ASTN2: variants seen among roughly 807,000 people sequenced by gnomAD.
The protein encoded by ASTN2 is astrotactin 2.
In ASTN2, 54 loss-of-function variants were observed where a neutral mutation model predicts 139.8. The observed-to-expected ratio is 0.39, with a 90% CI of 0.31 to 0.48. ASTN2 has a LOEUF of 0.48. Among genes scored for constraint, ASTN2 ranks in the 20% least tolerant of loss-of-function variants. The probability of loss-of-function intolerance (pLI) is 0.95; values close to 1 mark genes in which losing one functional copy is unlikely to be tolerated. For synonymous variants in ASTN2, 756 were observed against 719.5 expected, an observed-to-expected ratio of 1.05 and a Z score of -0.81; for missense variants, 1,565 against 1,725.1, an observed-to-expected ratio of 0.91 and a Z score of 1.64.
At chr9:117,138,382 T>A (rs1328408210) in intron 4 of ASTN2, among the ~76,000 whole-genome samples, 1 of 152,056 alleles carries the variant, frequency 6.6e-6, no homozygotes, top group Non-Finnish European at 1.5e-5. Context: ...GAGGAACAAG[T>A]TCTCAGATGC....
chr9:117,346,079 T>C (rs976081918), intron 1 of ASTN2, among the ~76,000 whole-genome samples: 1 of 149,432 alleles, frequency 6.7e-6, no homozygotes, highest in Non-Finnish European at 1.5e-5. Context: ...TGTCTAACCC[T>C]CAGTGGAGGC....
chr9:117,119,879 G>C (rs1456101602), intron 4 of ASTN2, among the ~76,000 whole-genome samples: 1 of 151,170 alleles, frequency 6.6e-6, no homozygotes, highest in African/African-American at 2.4e-5. Flanking sequence ...GCAAGATGGA[G>C]GTGAATAAAC....
At chr9:117,282,309 A>G (rs1021466187) in intron 2 of ASTN2, among the ~76,000 whole-genome samples, 8 of 152,202 alleles carry the variant, frequency 5.3e-5, no homozygotes, top group Non-Finnish European at 7.3e-5. Flanking sequence ...ATACATAGCT[A>G]TAGCTATACA....
At chr9:117,289,670 A>G (rs973917142) in intron 2 of ASTN2, among the ~76,000 whole-genome samples, 1 of 152,200 alleles carries the variant, frequency 6.6e-6, no homozygotes, top group African/African-American at 2.4e-5. Context: ...TCCTAACATT[A>G]GATGGTGTCC....
intron 13 of ASTN2, among the ~76,000 whole-genome samples, chr9:116,795,027 A>G (rs1361207110): frequency 6.6e-6 from 1 of 152,166 alleles, no homozygotes; most frequent in African/African-American, 2.4e-5. Context: ...CCCAGGCTAG[A>G]GTGCAATGGT....
chr9:117,145,105 G>C (rs1830165659), intron 3 of ASTN2, among the ~76,000 whole-genome samples: 1 of 152,150 alleles, frequency 6.6e-6, no homozygotes, highest in Admixed American at 6.5e-5. Flanking sequence ...AATAAGCATA[G>C]TACTTGATAG....
chr9:117,126,133 T>C (rs1365879958), intron 4 of ASTN2, among the ~76,000 whole-genome samples: 3 of 152,154 alleles, frequency 2.0e-5, no homozygotes, highest in South Asian at 2.1e-4. Context: ...GGTCAGAAAA[T>C]GAATATGAAT....
At chr9:117,137,963 C>T (rs147018437) in intron 4 of ASTN2, among the ~76,000 whole-genome samples, 78 of 152,182 alleles carry the variant, frequency 5.1e-4, no homozygotes, top group African/African-American at 1.6e-3. Context: ...ATTCTCTGGG[C>T]GTTGGTACCA....
chr9:117,030,449 A>G (rs1397470029), intron 6 of ASTN2, among the ~76,000 whole-genome samples: 9 of 152,200 alleles, frequency 5.9e-5, no homozygotes, highest in East Asian at 1.9e-4. Flanking sequence ...TTAGTCTCCA[A>G]TTTTGGACGT....
chr9:117,347,376 C>G (rs891938843), intron 1 of ASTN2, among the ~76,000 whole-genome samples: 8 of 152,002 alleles, frequency 5.3e-5, no homozygotes, highest in African/African-American at 1.9e-4. Context: ...CTCTCACCAC[C>G]ACCTGGGAGG....
intron 6 of ASTN2, among the ~76,000 whole-genome samples, chr9:117,038,742 G>A (rs1025045301): frequency 1.3e-5 from 2 of 152,202 alleles, no homozygotes; most frequent in Non-Finnish European, 2.9e-5. Context: ...GTGATGGCAT[G>A]TGAGAAGTGT....
intron 22 of ASTN2, among the ~76,000 whole-genome samples, chr9:116,428,367 T>A (rs2118809225): frequency 6.6e-6 from 1 of 152,040 alleles, no homozygotes; most frequent in East Asian, 1.9e-4. Flanking sequence ...TTACTAAAAA[T>A]ACAAAATTTA....
At chr9:117,330,423 T>C (rs1828666001) in intron 1 of ASTN2, among the ~76,000 whole-genome samples, 1 of 152,154 alleles carries the variant, frequency 6.6e-6, no homozygotes. Context: ...CTGGAGGGAC[T>C]CCCTGAGCAT....
chr9:116,985,941 G>C (rs1473045907), intron 7 of ASTN2, among the ~76,000 whole-genome samples: 1 of 152,200 alleles, frequency 6.6e-6, no homozygotes. Context: ...GCCATTGGAG[G>C]CTGAATCCTC....
intron 10 of ASTN2, among the ~76,000 whole-genome samples, chr9:116,950,399 G>A (rs1000595964): frequency 1.6e-4 from 25 of 152,176 alleles, no homozygotes; most frequent in Admixed American, 1.6e-3. Flanking sequence ...CAAAAAGAAA[G>A]TAGTCAGTTA....
intron 10 of ASTN2, among the ~76,000 whole-genome samples, chr9:116,964,492 G>A (rs1835960701): frequency 6.6e-6 from 1 of 152,178 alleles, no homozygotes; most frequent in Non-Finnish European, 1.5e-5. Flanking sequence ...AACACTGTGA[G>A]ACCGTGGCAG....
intron 4 of ASTN2, among the ~76,000 whole-genome samples, chr9:117,105,361 T>C (rs115849588): frequency 0.012 from 1,787 of 152,148 alleles, 38 homozygotes; most frequent in African/African-American, 0.04. Flanking sequence ...AGGCTATGTG[T>C]AAGTGGTTGA....
chr9:116,680,767 CA>C (rs1384612571), intron 16 of ASTN2, among the ~76,000 whole-genome samples: 1 of 152,126 alleles, frequency 6.6e-6, no homozygotes, highest in Non-Finnish European at 1.5e-5. Flanking sequence ...GAACCAAAGA[CA>C]AAAATCACAT....
chr9:117,355,989 C>T (rs2130887520), intron 1 of ASTN2, among the ~76,000 whole-genome samples: 1 of 152,276 alleles, frequency 6.6e-6, no homozygotes, highest in African/African-American at 2.4e-5. Context: ...GGAAATATTC[C>T]TTACAATTGC....
Sources: allele counts gnomAD v4.1 joint callset (sites outside exome capture counted in the v4.1 genomes callset), GRCh38; gene constraint gnomAD v4.1.1; transcripts MANE v1.5; gene names NCBI Gene and HGNC (gene_info 2026-07-23, HGNC 2026-07-21).